CHD5: variants seen among roughly 807,000 people sequenced by gnomAD.
CHD5 encodes ATP-dependent chromatin remodeler CHD5.
CHD5 carries 69 observed loss-of-function variants against 230.3 expected under a neutral mutation model. The observed-to-expected ratio is 0.30, with a 90% confidence interval of 0.25 to 0.37. The LOEUF (loss-of-function observed/expected upper bound fraction) is 0.37, where lower values mean the gene tolerates loss of function less well. Among genes scored for constraint, CHD5 ranks in the 10% least tolerant of loss-of-function variants. The pLI is 1.00. For synonymous variants in CHD5, 1,064 were observed against 1,065.9 expected (o/e 1.00, Z 0.03); for missense variants, 1,827 against 2,622.8 (o/e 0.70, Z 6.63).
intron 38 of CHD5, among the ~76,000 whole-genome samples, chr1:6,107,873 G>A (rs1327356901): frequency 2.0e-5 from 3 of 148,088 alleles, no homozygotes; most frequent in Admixed American, 2.0e-4. Flanking sequence ...AGGGATGATG[G>A]AGGGATGGAG....
chr1:6,119,713 G>C (rs1666435663), intron 33 of CHD5, among the ~76,000 whole-genome samples: 2 of 151,030 alleles, frequency 1.3e-5, no homozygotes, highest in African/African-American at 4.9e-5. Flanking sequence ...ATATATACGT[G>C]TGTGTATATA....
Position 6,125,062 on chromosome 1 carries a change from A to C in CHD5, c.4394+38T>G, listed in dbSNP as rs1273294586. The stretch of plus-strand genomic sequence containing the variant: ...GCAGGACCCTGCCCTACTCAGGGGC[A>C]GGTGGTCACACCCTGGGCCACCACC... On this transcript the variant is annotated intron_variant, in intron 29 of 41. Coordinates refer to ENST00000262450, the MANE Select transcript of CHD5 (RefSeq NM_015557.3). The surrounding 1 kb of genome is among the most constrained non-coding windows in gnomAD (Gnocchi z 6.7). 1 of 1,518,250 alleles carries C rather than the reference A, an allele frequency of 6.6e-7. No individual in the cohort carries two copies. The highest frequency in any genetic ancestry group is 1.4e-5 in the African/African-American group (1 of 72,646). The allele number at this position is 1,518,250 out of a possible 1,614,324, so 94.0% of individuals were successfully genotyped here.
rs572630765 is a variant in CHD5, at chr1:6,141,614, T to A, written c.2436+514A>T. Among the ~76,000 whole-genome samples, 165 of 151,924 alleles carry A rather than the reference T, an allele frequency of 1.1e-3. 1 individual carries two copies. The highest frequency in any genetic ancestry group is 3.1e-3 in the African/African-American group (128 of 41,438). On this transcript the variant is annotated intron_variant, in intron 15 of 41. Coordinates refer to ENST00000262450, the MANE Select transcript of CHD5 (RefSeq NM_015557.3). ...TGGGCGATACAGTGTCTCAAAAAAA[T>A]AAATAAATAAATAAATAAAATAAGT...
At chr1:6,139,045 G>A (rs1026952444) in intron 15 of CHD5, among the ~76,000 whole-genome samples, 1 of 152,206 alleles carries the variant, frequency 6.6e-6, no homozygotes, top group African/African-American at 2.4e-5. Context: ...CTCATATGAA[G>A]TACCCAGAGT....
chr1:6,149,503 T>C, intron 7 of CHD5, 91 bp from the exon 8 acceptor site: 1 of 1,333,986 alleles, frequency 7.5e-7, no homozygotes, highest in Non-Finnish European at 1.0e-6. Flanking sequence ...AGGCACAGAG[T>C]AGATGTCTAA....
chr1:6,166,073 G>A (rs983170365), intron 2 of CHD5, among the ~76,000 whole-genome samples: 2 of 151,892 alleles, frequency 1.3e-5, no homozygotes, highest in Non-Finnish European at 2.9e-5. Context: ...GGGGTTCCCG[G>A]GAAGGGACAG....
intron 2 of CHD5, 22 bp from the exon 3 acceptor site, chr1:6,159,537 G>C (rs1413045303): frequency 6.3e-7 from 1 of 1,580,580 alleles, no homozygotes; most frequent in Non-Finnish European, 8.6e-7. Context: ...GGGGGACAGT[G>C]AGGGCAACAG....
intron 2 of CHD5, among the ~76,000 whole-genome samples, chr1:6,164,642 C>T (rs1557561625): frequency 1.3e-5 from 2 of 152,168 alleles, no homozygotes; most frequent in African/African-American, 4.8e-5. Flanking sequence ...TTGTCTTTAT[C>T]CTGGGGCTCC....
chr1:6,139,914 C>T (rs906556920), intron 15 of CHD5, among the ~76,000 whole-genome samples: 3 of 152,098 alleles, frequency 2.0e-5, no homozygotes, highest in Non-Finnish European at 2.9e-5. Flanking sequence ...GTGGGATCAT[C>T]GATTCATTCA....
In CHD5 at chr1:6,155,204, T is replaced by G. The variant is rs1255574018; in HGVS notation, c.507-306A>C. On this transcript the variant is annotated intron_variant, in intron 4 of 41. Coordinates refer to ENST00000262450, the MANE Select transcript of CHD5 (RefSeq NM_015557.3). This position sits in a 1 kb window ranked among gnomAD's most constrained non-coding sequence, Gnocchi z 4.0. ...CCACCCCCAAAACACCCCAGCTTCC[T>G]GTCCACACAGTTGGTGATTTTCTCA... is the stretch of plus-strand genomic sequence containing the variant. Among the ~76,000 whole-genome samples, 3 of 149,324 alleles carry G rather than the reference T, an allele frequency of 2.0e-5. No individual in the cohort carries two copies. Among genetic ancestry groups the G allele is most frequent in the Non-Finnish European group, 4.4e-5 (3 of 67,596 alleles).
chr1:6,170,278 C>T (rs1487548983), intron 1 of CHD5, among the ~76,000 whole-genome samples: 2 of 152,108 alleles, frequency 1.3e-5, no homozygotes. Flanking sequence ...CACCTGTCAC[C>T]CTCCACACAG....
chr1:6,161,835 T>C (rs1418807669), intron 2 of CHD5, among the ~76,000 whole-genome samples: 1 of 152,152 alleles, frequency 6.6e-6, no homozygotes, highest in Non-Finnish European at 1.5e-5. Flanking sequence ...GGACAGAGGC[T>C]GGGGCTGGCC....
intron 9 of CHD5, among the ~76,000 whole-genome samples, chr1:6,148,563 G>A (rs930587011): frequency 1.3e-5 from 2 of 152,246 alleles, no homozygotes; most frequent in African/African-American, 2.4e-5. Flanking sequence ...TGCAGAGCAC[G>A]TGGTCACTGA....
In CHD5 at chr1:6,143,399, C is replaced by G. The variant is rs548813664; in HGVS notation, c.2043+424G>C. Among the ~76,000 whole-genome samples the G allele has an allele frequency of 3.3e-5, 5 of 152,342 alleles. No homozygotes were observed. The South Asian group carries it at 1.0e-3, about 32-fold the overall frequency. ...AGTCCTCCCAATGGACCAGGCCCATCTGCCTTTCCCCAGCATCTGACAGGC... is the reference window on the plus strand; with the variant it reads ...AGTCCTCCCAATGGACCAGGCCCATGTGCCTTTCCCCAGCATCTGACAGGC... On this transcript the variant is annotated intron_variant, in intron 13 of 41. Transcript: ENST00000262450.
intron 2 of CHD5, among the ~76,000 whole-genome samples, chr1:6,160,260 C>A (rs186357823): frequency 2.7e-4 from 16 of 58,406 alleles, no homozygotes; most frequent in South Asian, 9.4e-4. Flanking sequence ...AAGGAGAGCC[C>A]CAGCCAGGGA....
Position 6,130,478 on chromosome 1 carries a change from G to A in CHD5, c.3263-150C>T. 1 of 748,914 alleles carries A rather than the reference G, an allele frequency of 1.3e-6. No individual in the cohort carries two copies. The highest frequency in any genetic ancestry group is 2.6e-5 in the Admixed American group (1 of 38,342). 46.4% of individuals were successfully genotyped at this position (748,914 alleles called of 1,614,324 possible). A position where few individuals can be genotyped will look rare whatever the true frequency, so the allele number is the denominator to read the frequency against. On this transcript the variant is annotated intron_variant, in intron 21 of 41. Transcript: ENST00000262450. This position sits in a 1 kb window ranked among gnomAD's most constrained non-coding sequence, Gnocchi z 4.9. The stretch of plus-strand genomic sequence containing the variant: ...CCGGAGACCCCATCAGAGACGGGTG[G>A]CCACAGCTGCACTCAGGGGAGCCAG...
At chr1:6,169,024 A>C (rs923762306) in intron 1 of CHD5, among the ~76,000 whole-genome samples, 1 of 151,770 alleles carries the variant, frequency 6.6e-6, no homozygotes, top group Admixed American at 6.6e-5. Flanking sequence ...ATCAAAAAAA[A>C]AAAAAAAAAA....
Position 6,136,665 on chromosome 1 carries a change from A to G in CHD5, c.2575-27T>C, listed in dbSNP as rs1023358014. On this transcript the variant is annotated intron_variant, in intron 16 of 41. Coordinates refer to ENST00000262450, the MANE Select transcript of CHD5 (RefSeq NM_015557.3). ...TGAGGGGAGGAGAGTGGGGCCTGTC[A>G]GGGGGCTCTGGGCGGCCCCTCGCCC... 22 of 1,612,816 alleles carry G rather than the reference A, an allele frequency of 1.4e-5. 1 individual carries two copies. The South Asian group carries it at 2.0e-4, about 14-fold the overall frequency.
chr1:6,124,342 C>T, intron 30 of CHD5, among the ~76,000 whole-genome samples, 175 bp downstream of exon 30: 1 of 151,654 alleles, frequency 6.6e-6, no homozygotes, highest in Non-Finnish European at 1.5e-5. Flanking sequence ...GCCTCCACCC[C>T]ACAGGCCCCT....
Sources: gnomAD v4.1 joint callset for allele counts (sites outside exome capture counted in the v4.1 genomes callset) on GRCh38, gnomAD v4.1.1 for gene constraint, Gnocchi (gnomAD v3.1) non-coding constraint, MANE v1.5 for transcripts, NCBI Gene and HGNC (gene_info 2026-07-23, HGNC 2026-07-21) for gene names.